Variants in SYN3 observed in about 807,000 individuals in gnomAD.
The protein encoded by SYN3 is synapsin III.
SYN3 carries 35 observed loss-of-function variants against 65.8 expected under a neutral mutation model. That is an observed-to-expected ratio of 0.53 (90% confidence interval 0.41 to 0.70). The LOEUF is 0.70. SYN3 is among the 30% of genes least tolerant of loss of function. The pLI is 0.00. For missense variants in SYN3, 680 were observed against 749.0 expected (o/e 0.91, Z 1.08); for synonymous variants, 270 against 292.9 (o/e 0.92, Z 0.80).
intron 3 of SYN3, among the ~76,000 whole-genome samples, chr22:32,942,119 T>C (rs548364696): frequency 6.6e-6 from 1 of 152,202 alleles, no homozygotes; most frequent in Non-Finnish European, 1.5e-5. Context: ...AGCATGGAGT[T>C]TGAGATCTGA....
rs1211880138 is a variant in SYN3 at position 32,508,979 on chromosome 22, T to A, written c.*4713A>T. 6.6e-6 allele frequency among the ~76,000 whole-genome samples: 1 copy of A among 152,204 alleles called. No homozygotes were observed. The highest frequency in any genetic ancestry group is 1.5e-5 in the Non-Finnish European group (1 of 68,042). On this transcript the variant is annotated 3_prime_UTR_variant, in exon 14 of 14. Transcript: ENST00000358763. Reference sequence around the variant, plus strand: ...CCCCTTAAATTTTGGAAAGATAGAATTGAGTGTTAGTTCTATCTTGAATGT... The same window carrying A: ...CCCCTTAAATTTTGGAAAGATAGAAATGAGTGTTAGTTCTATCTTGAATGT...
chr22:32,843,859 CT>C, intron 6 of SYN3, among the ~76,000 whole-genome samples: 1 of 152,198 alleles, frequency 6.6e-6, no homozygotes, highest in African/African-American at 2.4e-5. Context: ...CCTTGCTGTC[CT>C]TTTAAAAACC....
chr22:32,615,649 G>A (rs970121921), intron 6 of SYN3, among the ~76,000 whole-genome samples: 16 of 152,230 alleles, frequency 1.1e-4, no homozygotes, highest in African/African-American at 3.4e-4. Flanking sequence ...GCTCTAATAA[G>A]GGAATCATAC....
intron 1 of SYN3, among the ~76,000 whole-genome samples, chr22:33,043,348 G>A (rs1395394288): frequency 2.7e-4 from 41 of 152,088 alleles, no homozygotes; most frequent in Admixed American, 2.6e-3. Context: ...AGTAGTTCAA[G>A]ACCAGCCTGG....
At chr22:32,833,151 C>T (rs181421086) in intron 6 of SYN3, among the ~76,000 whole-genome samples, 66 of 152,286 alleles carry the variant, frequency 4.3e-4, no homozygotes, top group African/African-American at 1.5e-3. Flanking sequence ...AACTCTCAAC[C>T]TTGTATACTG....
chr22:33,041,169 G>A (rs1400533043), intron 1 of SYN3, among the ~76,000 whole-genome samples: 3 of 151,962 alleles, frequency 2.0e-5, no homozygotes, highest in African/African-American at 7.3e-5. Flanking sequence ...TGCCTGCCTC[G>A]GCCTCCCAAA....
chr22:32,917,287 CTG>C (rs1486422258), intron 4 of SYN3, among the ~76,000 whole-genome samples: 1 of 152,100 alleles, frequency 6.6e-6, no homozygotes, highest in East Asian at 1.9e-4. Context: ...CAATATTAAG[CTG>C]TGTCAACCAG....
intron 6 of SYN3, among the ~76,000 whole-genome samples, chr22:32,634,477 G>A (rs1287056566): frequency 6.6e-6 from 1 of 152,132 alleles, no homozygotes; most frequent in Non-Finnish European, 1.5e-5. Flanking sequence ...AGGGGTTGAC[G>A]GCATCCGTGA....
intron 5 of SYN3, among the ~76,000 whole-genome samples, chr22:32,868,466 G>T (rs1361337763): frequency 6.6e-6 from 1 of 151,608 alleles, no homozygotes; most frequent in African/African-American, 2.4e-5. Flanking sequence ...TCGAGACAGA[G>T]TTTCGCTGTT....
intron 12 of SYN3, among the ~76,000 whole-genome samples, chr22:32,525,699 A>G (rs2057965183): frequency 7.0e-6 from 1 of 142,360 alleles, no homozygotes; most frequent in Non-Finnish European, 1.5e-5. Flanking sequence ...CGACAAGGAG[A>G]CTCCGTCTCA....
Position 32,513,632 on chromosome 22 carries a change from G to A in SYN3, c.*60C>T. 6.3e-7 allele frequency: 1 copy of A among 1,589,728 alleles called. No individual in the cohort carries two copies. The highest frequency in any genetic ancestry group is 2.2e-5 in the East Asian group (1 of 44,498). ...ATCAGGAACCAAGGCTGAGAAGGAAGATGAGGCAGGAGGGGGACGAGTGTA... is the reference window on the plus strand; with the variant it reads ...ATCAGGAACCAAGGCTGAGAAGGAAAATGAGGCAGGAGGGGGACGAGTGTA... On this transcript the variant is annotated 3_prime_UTR_variant, in exon 14 of 14. Transcript: ENST00000358763.
intron 6 of SYN3, among the ~76,000 whole-genome samples, chr22:32,725,330 A>G (rs1472241955): frequency 6.6e-6 from 1 of 152,034 alleles, no homozygotes; most frequent in East Asian, 1.9e-4. Context: ...TGGAATGCCA[A>G]CTGAGGCCAT....
At position 32,994,132 on chromosome 22, in the gene SYN3, C is replaced by G. The variant is rs913521326; in HGVS notation, c.311+12220G>C. ...AGGGGTCAGCACTTGAAAAATTCCT[C>G]AAGTCAAAGGGCTCGGGGCTTGGGT... On this transcript the variant is annotated intron_variant, in intron 2 of 13. Transcript: ENST00000358763. 3.9e-5 allele frequency among the ~76,000 whole-genome samples: 6 copies of G among 152,252 alleles called. No homozygotes were observed. In the East Asian group the frequency reaches 1.2e-3, roughly 29 times the overall value.
chr22:32,812,192 TC>T (rs1210057299), intron 6 of SYN3, among the ~76,000 whole-genome samples: 1 of 152,168 alleles, frequency 6.6e-6, no homozygotes, highest in African/African-American at 2.4e-5. Flanking sequence ...GGCTCTAAGT[TC>T]CCTTGGAAAG....
At chr22:32,918,996 G>C (rs1325953345) in intron 4 of SYN3, among the ~76,000 whole-genome samples, 1 of 152,216 alleles carries the variant, frequency 6.6e-6, no homozygotes. Flanking sequence ...TAGATGCTTT[G>C]TGAGCTCGGA....
At chr22:33,029,676 G>A (rs1368117863) in intron 1 of SYN3, among the ~76,000 whole-genome samples, 1 of 152,166 alleles carries the variant, frequency 6.6e-6, no homozygotes, top group Non-Finnish European at 1.5e-5. Flanking sequence ...TGTCAGAGCT[G>A]TCATTCAAAC....
In SYN3 at chr22:32,513,680, G is replaced by T. The variant is rs759911807; in HGVS notation, c.*12C>A. The T allele has an allele frequency of 6.2e-7, 1 of 1,613,744 alleles. No individual in the cohort carries two copies. Among genetic ancestry groups the T allele is most frequent in the Non-Finnish European group, 8.5e-7 (1 of 1,179,834 alleles). On this transcript the variant is annotated 3_prime_UTR_variant, in exon 14 of 14. Coordinates refer to ENST00000358763, the MANE Select transcript of SYN3 (RefSeq NM_003490.4). The stretch of plus-strand genomic sequence containing the variant: ...GTAGCAGAGCACTCTTCCCCTCCCA[G>T]CCTGGATGGCGTTAGTCAGAGAACA...
At chr22:33,051,801 GGA>G (rs1289036484) in intron 1 of SYN3, among the ~76,000 whole-genome samples, 1 of 152,088 alleles carries the variant, frequency 6.6e-6, no homozygotes, top group East Asian at 1.9e-4. Context: ...GGACTGAGCC[GGA>G]GTGCTCTAGA....
At chr22:32,515,972 G>A (rs2057765404) in intron 13 of SYN3, among the ~76,000 whole-genome samples, 1 of 152,050 alleles carries the variant, frequency 6.6e-6, no homozygotes, top group Admixed American at 6.6e-5. Flanking sequence ...CTAATTTTTT[G>A]TATTTTTAGG....
Sources: allele counts gnomAD v4.1 joint callset (sites outside exome capture counted in the v4.1 genomes callset), GRCh38; gene constraint gnomAD v4.1.1; transcripts MANE v1.5; gene names NCBI Gene and HGNC (gene_info 2026-07-23, HGNC 2026-07-21).